The following CCDC6 variants were observed in gnomAD, a reference collection of about 807,000 sequenced individuals.
The protein encoded by CCDC6 is coiled-coil domain containing 6, also known as coiled-coil domain-containing protein 6.
Under a neutral mutation model 56.6 loss-of-function variants are expected in CCDC6, and 20 were observed. The observed-to-expected ratio is 0.35, with a 90% confidence interval of 0.25 to 0.51. The LOEUF is 0.51. Among genes scored for constraint, CCDC6 ranks in the 20% least tolerant of loss-of-function variants. CCDC6 has a pLI of 0.95. For synonymous variants in CCDC6, 241 were observed against 234.4 expected, an observed-to-expected ratio of 1.03 and a Z score of -0.26; for missense variants, 367 against 601.1, an observed-to-expected ratio of 0.61 and a Z score of 4.07.
At position 59,852,707 on chromosome 10, in the gene CCDC6, T is replaced by TAA; in HGVS notation, c.304-6_304-5insTT. On this transcript the variant is annotated splice_polypyrimidine_tract_variant and splice_region_variant and intron_variant, in intron 1 of 8. Transcript: ENST00000263102. Reference sequence around the variant, plus strand: ...TTCCTGCTCAGCCCTGGCTTGCTGTTTAAAAAAAAAAAAGGAAAGAACAAA... The same window carrying TAA: ...TTCCTGCTCAGCCCTGGCTTGCTGTTAATAAAAAAAAAAAAGGAAAGAACAAA... The TAA allele has an allele frequency of 6.6e-7, 1 of 1,519,712 alleles. No homozygotes were observed. The highest frequency in any genetic ancestry group is 8.7e-7 in the Non-Finnish European group (1 of 1,146,824). The allele number at this position is 1,519,712 out of a possible 1,614,324, so 94.1% of individuals were successfully genotyped here.
rs562064631 is a variant in CCDC6, at chr10:59,906,293, C to T, written c.132G>A (p.Gly44=). Residue 44 remains glycine (G), a synonymous_variant, in exon 1 of 9, where the codon GGG becomes GGA. Coordinates refer to ENST00000263102, the MANE Select transcript of CCDC6 (RefSeq NM_005436.5). ...GCGAGATGACAATGCCCCCCGACTT[C>T]CCACCGCCGCCGCCTCCCCCGCCGC... ...GGGGGGGGGG[G]KSGGIVISPF... The T allele has an allele frequency of 1.4e-5, 23 of 1,605,634 alleles. No homozygotes were observed. The highest frequency in any genetic ancestry group is 1.4e-4 in the South Asian group (13 of 91,032).
intron 2 of CCDC6, among the ~76,000 whole-genome samples, chr10:59,851,651 G>A (rs931133346): frequency 5.9e-5 from 9 of 152,150 alleles, no homozygotes; most frequent in African/African-American, 1.9e-4. Flanking sequence ...AAAAAGCCTC[G>A]AATAACTTCT....
chr10:59,898,150 G>A (rs544816121), intron 1 of CCDC6, among the ~76,000 whole-genome samples: 36 of 151,870 alleles, frequency 2.4e-4, no homozygotes, highest in African/African-American at 4.4e-4. Context: ...GAGAAATTCC[G>A]TCCATCCACC....
chr10:59,818,497 G>GGGC (rs2070725841), intron 3 of CCDC6, among the ~76,000 whole-genome samples: 2 of 103,484 alleles, frequency 1.9e-5, no homozygotes, highest in African/African-American at 9.7e-5. Context: ...AATGTTGACG[G>GGGC]GGGGGGGGGA....
rs907275659 is a variant in CCDC6 at position 59,862,570 on chromosome 10, T to TAC, written c.304-9870_304-9869dup. 7.3e-4 allele frequency among the ~76,000 whole-genome samples: 70 copies of TAC among 96,410 alleles called. 6 individuals are homozygous for TAC. Among genetic ancestry groups the TAC allele is most frequent in the African/African-American group, 2.1e-3 (50 of 23,478 alleles). 63.2% of individuals were successfully genotyped at this position (96,410 alleles called of 152,430 possible). On this transcript the variant is annotated intron_variant, in intron 1 of 8. Coordinates refer to ENST00000263102, the MANE Select transcript of CCDC6 (RefSeq NM_005436.5). ...ACACACACACACATATATATACACA[T>TAC]ACACACACACACACATATATAAAAC...
chr10:59,841,961 C>T (rs569862114), intron 2 of CCDC6, among the ~76,000 whole-genome samples: 4 of 150,584 alleles, frequency 2.7e-5, no homozygotes, highest in South Asian at 2.1e-4. Flanking sequence ...CCACCGCGCC[C>T]GACCCCATGT....
Position 59,895,742 on chromosome 10 carries a change from G to A in CCDC6, c.303+10380C>T, listed in dbSNP as rs537550754. 1.2e-3 allele frequency among the ~76,000 whole-genome samples: 183 copies of A among 152,298 alleles called. 3 individuals carry two copies. In the South Asian group the frequency reaches 0.038, roughly 31 times the overall value. The stretch of plus-strand genomic sequence containing the variant: ...GGCTTTAGTCCTTGACGTTCTGGAG[G>A]CAATTTCTAACCCTTTCGAAGGTCA... On this transcript the variant is annotated intron_variant, in intron 1 of 8. Coordinates refer to ENST00000263102, the MANE Select transcript of CCDC6 (RefSeq NM_005436.5).
chr10:59,882,098 GGA>G (rs1300413283), intron 1 of CCDC6, among the ~76,000 whole-genome samples: 6 of 111,856 alleles, frequency 5.4e-5, no homozygotes, highest in African/African-American at 1.3e-4. Flanking sequence ...AAAGCCGGGG[GGA>G]GAAGGAAAGG....
intron 5 of CCDC6, among the ~76,000 whole-genome samples, chr10:59,810,324 A>C (rs2070662673): frequency 6.6e-6 from 1 of 152,226 alleles, no homozygotes; most frequent in Admixed American, 6.5e-5. Context: ...TCTTTAGTTC[A>C]GCTTTCTCTG....
At chr10:59,859,925 T>C (rs1449402620) in intron 1 of CCDC6, among the ~76,000 whole-genome samples, 1 of 151,984 alleles carries the variant, frequency 6.6e-6, no homozygotes, top group African/African-American at 2.4e-5. Flanking sequence ...CTACTAAAAA[T>C]ACAAAAATTA....
chr10:59,815,461 G>A (rs187347170), intron 3 of CCDC6, among the ~76,000 whole-genome samples: 2 of 152,236 alleles, frequency 1.3e-5, no homozygotes, highest in East Asian at 3.9e-4. Flanking sequence ...TGGATAATGG[G>A]GGCATAGCAG....
intron 1 of CCDC6, among the ~76,000 whole-genome samples, chr10:59,862,516 T>TAC (rs60162547): frequency 0.18 from 17,061 of 96,806 alleles, 2,136 homozygotes; most frequent in Middle Eastern, 0.23. Flanking sequence ...TATATATATA[T>TAC]ACACACACAC....
rs1316193228 is a variant in CCDC6, at chr10:59,847,526, A to AG, written c.453+5026dup. Among the ~76,000 whole-genome samples, 5 of 152,242 alleles carry AG rather than the reference A, an allele frequency of 3.3e-5. 1 individual carries two copies. In the South Asian group the frequency reaches 1.0e-3, roughly 32 times the overall value. ...CACTTGCAAATGAGCCTGACTCTGCAGGGGGGTTCAGTGCACTGCTGCCCA... is the reference window on the plus strand; with the variant it reads ...CACTTGCAAATGAGCCTGACTCTGCAGGGGGGGTTCAGTGCACTGCTGCCCA... On this transcript the variant is annotated intron_variant, in intron 2 of 8. Coordinates refer to ENST00000263102, the MANE Select transcript of CCDC6 (RefSeq NM_005436.5).
In CCDC6 at chr10:59,789,785, G is replaced by C; in HGVS notation, c.*3132C>G. 1 of 220,344 alleles carries C rather than the reference G, an allele frequency of 4.5e-6. No individual in the cohort carries two copies. The highest frequency in any genetic ancestry group is 9.1e-6 in the Non-Finnish European group (1 of 109,696). 13.6% of individuals were successfully genotyped at this position (220,344 alleles called of 1,614,324 possible). On this transcript the variant is annotated 3_prime_UTR_variant, in exon 9 of 9. Coordinates refer to ENST00000263102, the MANE Select transcript of CCDC6 (RefSeq NM_005436.5). ...TTGCCTTATTGGGCATTCTCTAAAAGCAAGGCTTTGTGCAGGAAAAGTTCA... is the reference window on the plus strand; with the variant it reads ...TTGCCTTATTGGGCATTCTCTAAAACCAAGGCTTTGTGCAGGAAAAGTTCA...
Position 59,792,276 on chromosome 10 carries a change from C to A in CCDC6, c.*641G>T. 3.0e-6 allele frequency: 1 copy of A among 329,214 alleles called. No individual in the cohort carries two copies. The highest frequency in any genetic ancestry group is 5.7e-6 in the Non-Finnish European group (1 of 175,778). The allele number at this position is 329,214 out of a possible 1,614,324, so 20.4% of individuals were successfully genotyped here. A position where few individuals can be genotyped will look rare whatever the true frequency, so the allele number is the denominator to read the frequency against. On this transcript the variant is annotated 3_prime_UTR_variant, in exon 9 of 9. Transcript: ENST00000263102. ...CATTTATGTGGAGAAGGTACAGCCA[C>A]ATGATTCATTACTTTGGGCCATCTG... is the stretch of plus-strand genomic sequence containing the variant.
intron 8 of CCDC6, among the ~76,000 whole-genome samples, chr10:59,793,710 G>A (rs1206194224): frequency 2.0e-5 from 3 of 151,868 alleles, no homozygotes; most frequent in Admixed American, 6.6e-5. Context: ...CTTGAGCTCC[G>A]GAGGCGGATG....
chr10:59,840,267 C>T (rs572770311), intron 2 of CCDC6, among the ~76,000 whole-genome samples: 9 of 152,312 alleles, frequency 5.9e-5, no homozygotes, highest in African/African-American at 2.2e-4. Context: ...TTAGGTACTA[C>T]CAAATTGTTT....
chr10:59,864,567 T>C (rs1040920636), intron 1 of CCDC6, among the ~76,000 whole-genome samples: 14 of 152,182 alleles, frequency 9.2e-5, no homozygotes, highest in Admixed American at 6.5e-4. Flanking sequence ...GAGTATTTTC[T>C]GCCAGAACAA....
intron 1 of CCDC6, among the ~76,000 whole-genome samples, chr10:59,892,304 G>GA (rs1407452523): frequency 2.6e-5 from 4 of 152,214 alleles, no homozygotes; most frequent in South Asian, 2.1e-4. Context: ...GACCTATAGG[G>GA]AAAAAAACCA....
Sources: gnomAD v4.1 joint callset for allele counts (sites outside exome capture counted in the v4.1 genomes callset) on GRCh38, gnomAD v4.1.1 for gene constraint, MANE v1.5 for transcripts, NCBI Gene and HGNC (gene_info 2026-07-23, HGNC 2026-07-21) for gene names.